LINC00632: variants seen among roughly 807,000 people sequenced by gnomAD.
LINC00632 encodes long independently transcribed non-coding RNA 632.
At chrX:140,774,885 G>T (rs1439869379) in exon 5 of LINC00632, among the ~76,000 whole-genome samples, 1 of 111,051 alleles carries the variant, frequency 9.0e-6, no homozygotes, top group Admixed American at 9.6e-5. Flanking sequence ...TTAAGGAGTG[G>T]GCTGCTACTG....
exon 5 of LINC00632, among the ~76,000 whole-genome samples, chrX:140,779,979 G>A (rs1322006186): frequency 2.7e-5 from 3 of 111,083 alleles, no homozygotes; most frequent in African/African-American, 9.8e-5. Context: ...GAATCAGCAC[G>A]GAGGCAAGGT....
exon 5 of LINC00632, chrX:140,783,551 C>A (rs1931964429): frequency 6.0e-6 from 7 of 1,170,735 alleles, no homozygotes; most frequent in Non-Finnish European, 8.0e-6. Context: ...CCAAGTCTTC[C>A]AGTAAATCTA....
intron 3 of LINC00632, among the ~76,000 whole-genome samples, chrX:140,767,757 C>T (rs991052935): frequency 3.6e-5 from 4 of 111,515 alleles, no homozygotes; most frequent in Admixed American, 1.9e-4. Context: ...GAAATTTGTT[C>T]ATGTGGTTAT....
At chrX:140,763,714 G>A (rs1361820253) in intron 3 of LINC00632, among the ~76,000 whole-genome samples, 4 of 111,338 alleles carry the variant, frequency 3.6e-5, no homozygotes, top group Non-Finnish European at 5.6e-5. Flanking sequence ...GTTGTTTTCC[G>A]TGCACTTTAA....
At chrX:140,765,201 C>T (rs188575416) in intron 3 of LINC00632, among the ~76,000 whole-genome samples, 77 of 111,694 alleles carry the variant, frequency 6.9e-4, no homozygotes, top group African/African-American at 2.3e-3. Flanking sequence ...CGTGGTGCCA[C>T]GTAGTAGACC....
At chrX:140,782,818 C>A in exon 5 of LINC00632, 1 of 110,876 alleles carries the variant, frequency 9.0e-6, no homozygotes, top group East Asian at 2.8e-4. Context: ...GTCCAGGCTG[C>A]CAGTATTCTT....
At chrX:140,743,607 A>T (rs775340851) in intron 3 of LINC00632, among the ~76,000 whole-genome samples, 2 of 111,816 alleles carry the variant, frequency 1.8e-5, no homozygotes, top group African/African-American at 3.2e-5. Flanking sequence ...ATACAGTTAT[A>T]AGACATTAAA....
rs369000623 is a variant in LINC00632, at chrX:140,771,541, A to G, written n.192-537A>G. Among the ~76,000 whole-genome samples, 45 of 105,873 alleles carry G rather than the reference A, an allele frequency of 4.3e-4. No individual in the cohort carries two copies. The East Asian group carries it at 7.8e-3, about 18-fold the overall frequency. 91.9% of individuals were successfully genotyped at this position (105,873 alleles called of 115,157 possible). ...TATGTGTCATGTTGGTAAGTACATG[A>G]GAGGAAAGAACTGTCATTTGCTTTT... On this transcript the variant is annotated intron_variant and non_coding_transcript_variant, in intron 3 of 4. Coordinates refer to ENST00000648200, the Ensembl canonical transcript of LINC00632.
chrX:140,744,834 C>T (rs1196429216), intron 3 of LINC00632, among the ~76,000 whole-genome samples: 5 of 110,464 alleles, frequency 4.5e-5, no homozygotes, highest in African/African-American at 1.3e-4. Flanking sequence ...CGCCCCAACC[C>T]GGCCTCCCAA....
At chrX:140,709,800 C>T (rs772564000) in exon 1 of LINC00632, 10 of 339,082 alleles carry the variant, frequency 2.9e-5, no homozygotes, top group Non-Finnish European at 4.1e-5. Flanking sequence ...AGACAGCATG[C>T]CACTGGTAAG....
exon 5 of LINC00632, chrX:140,784,933 G>A (rs5954092): frequency 0.032 from 4,014 of 124,043 alleles, 166 homozygotes; most frequent in African/African-American, 0.12. Flanking sequence ...ACTTTTAAAA[G>A]TAATGTCCAT....
exon 4 of LINC00632, among the ~76,000 whole-genome samples, chrX:140,774,080 C>A (rs1421724742): frequency 8.9e-6 from 1 of 112,025 alleles, no homozygotes; most frequent in African/African-American, 3.3e-5. Flanking sequence ...ATAGTGAAGG[C>A]CTTGAAGACA....
chrX:140,754,386 G>A (rs1931459499), intron 3 of LINC00632, among the ~76,000 whole-genome samples: 1 of 111,460 alleles, frequency 9.0e-6, no homozygotes, highest in African/African-American at 3.3e-5. Context: ...CATCCAAATT[G>A]GACAGCTACT....
Sources: allele counts gnomAD v4.1 joint callset (sites outside exome capture counted in the v4.1 genomes callset), GRCh38; gene constraint gnomAD v4.1.1; transcripts MANE v1.5; gene names NCBI Gene and HGNC (gene_info 2026-07-23, HGNC 2026-07-21).